The following GAS7 variants were observed in gnomAD, a reference collection of about 807,000 sequenced individuals.
The protein encoded by GAS7 is growth arrest specific 7.
In GAS7, 28 loss-of-function variants were observed where a neutral mutation model predicts 71.1. The ratio of observed to expected loss-of-function variants is 0.39; its 90% CI spans 0.29 to 0.54. The LOEUF is 0.54. GAS7 is among the 20% of genes least tolerant of loss of function. The pLI is 0.62. For synonymous variants in GAS7, 258 were observed against 245.8 expected (o/e 1.05, Z -0.46); for missense variants, 436 against 627.8 (o/e 0.69, Z 3.27).
At chr17:10,040,698 C>G (rs575054031) in intron 1 of GAS7, among the ~76,000 whole-genome samples, 1 of 152,080 alleles carries the variant, frequency 6.6e-6, no homozygotes. Flanking sequence ...TCACATCCAG[C>G]GGTGGGGAGT....
At chr17:10,069,180 A>G (rs950236813) in intron 1 of GAS7, among the ~76,000 whole-genome samples, 1 of 152,176 alleles carries the variant, frequency 6.6e-6, no homozygotes, top group African/African-American at 2.4e-5. Flanking sequence ...CCAAGGAACA[A>G]TGTTGCCAGC....
At chr17:10,169,015 C>T (rs550768233) in intron 1 of GAS7, among the ~76,000 whole-genome samples, 16 of 142,820 alleles carry the variant, frequency 1.1e-4, no homozygotes, top group Admixed American at 8.7e-4. Flanking sequence ...CAGTGGCTCA[C>T]GCCTGTAATC....
chr17:9,942,646 C>A (rs1346515049), intron 7 of GAS7, among the ~76,000 whole-genome samples: 1 of 152,140 alleles, frequency 6.6e-6, no homozygotes, highest in African/African-American at 2.4e-5. Flanking sequence ...TAACATCCCC[C>A]CCACTGGTTA....
At chr17:9,934,069 G>A (rs2068304572) in intron 9 of GAS7, 97 bp downstream of exon 9, 6 of 851,184 alleles carry the variant, frequency 7.0e-6, no homozygotes, top group Non-Finnish European at 1.2e-5. Context: ...TTACACCAGG[G>A]AAAATGGCAA....
In GAS7 at chr17:9,934,202, C is replaced by T. The variant is rs757317057; in HGVS notation, c.849G>A (p.Ala283=). The change falls in exon 9 of 14, where the codon GCG becomes GCA. Residue 283 remains alanine, a synonymous_variant. Transcript: ENST00000432992. ...ACTTGAGGTGAACTTCTGCTTCGTC[C>T]GCCAGGCTCTTCTTCACCTGGGCCC... ...EAWAQVKKSL[A]DEAEVHLKFS... 4.1e-5 allele frequency: 66 copies of T among 1,613,124 alleles called. No homozygotes were observed. The African/African-American group carries it at 6.9e-4, about 17-fold the overall frequency.
intron 1 of GAS7, among the ~76,000 whole-genome samples, chr17:10,131,813 G>A (rs1208169805): frequency 6.6e-6 from 1 of 151,920 alleles, no homozygotes; most frequent in Non-Finnish European, 1.5e-5. Context: ...ATAAATAGAC[G>A]GGCTCGAGAA....
At chr17:10,124,009 G>A (rs1283475441) in intron 1 of GAS7, among the ~76,000 whole-genome samples, 1 of 152,236 alleles carries the variant, frequency 6.6e-6, no homozygotes, top group Non-Finnish European at 1.5e-5. Flanking sequence ...GGCCTCGCAG[G>A]GCTGGCTGAA....
chr17:9,928,554 A>G (rs531978395), intron 9 of GAS7, among the ~76,000 whole-genome samples: 1 of 152,032 alleles, frequency 6.6e-6, no homozygotes, highest in South Asian at 2.1e-4. Flanking sequence ...CCACCCCACC[A>G]CCGCAAATCT....
At chr17:10,120,163 T>C (rs529520404) in intron 1 of GAS7, among the ~76,000 whole-genome samples, 1 of 118,672 alleles carries the variant, frequency 8.4e-6, no homozygotes, top group East Asian at 2.8e-4. Context: ...TCCCACTCCA[T>C]ATCCAGCTGG....
intron 1 of GAS7, among the ~76,000 whole-genome samples, chr17:10,177,647 T>C (rs1184504427): frequency 6.6e-6 from 1 of 152,016 alleles, no homozygotes; most frequent in Non-Finnish European, 1.5e-5. Context: ...CCACAAGCCA[T>C]AGAAAGCCAA....
rs1357627261 is a variant in GAS7, at chr17:10,103,729, G to A, written c.184-83832C>T. ...TAATCCCGGCTACTAGGGAGGCTGAGGCAGGAGAACTGCTTGAACCTGGGA... is the reference window on the plus strand; with the variant it reads ...TAATCCCGGCTACTAGGGAGGCTGAAGCAGGAGAACTGCTTGAACCTGGGA... On this transcript the variant is annotated intron_variant, in intron 1 of 13. Transcript: ENST00000432992. The surrounding 1 kb of genome is among the most constrained non-coding windows in gnomAD (Gnocchi z 5.5). Among the ~76,000 whole-genome samples, 2 of 152,134 alleles carry A rather than the reference G, an allele frequency of 1.3e-5. No homozygotes were observed. Among genetic ancestry groups the A allele is most frequent in the East Asian group, 3.9e-4 (2 of 5,154 alleles).
At chr17:10,158,178 T>A (rs1247046885) in intron 1 of GAS7, among the ~76,000 whole-genome samples, 1 of 151,840 alleles carries the variant, frequency 6.6e-6, no homozygotes, top group East Asian at 2.0e-4. Context: ...ACCTGGCTAA[T>A]TTTTTTGTAT....
chr17:10,075,011 C>A (rs1364431920), intron 1 of GAS7, among the ~76,000 whole-genome samples: 1 of 151,752 alleles, frequency 6.6e-6, no homozygotes, highest in Non-Finnish European at 1.5e-5. Context: ...ACTCGACACT[C>A]ATTTGTGATT....
At chr17:10,146,890 A>G (rs183856592) in intron 1 of GAS7, among the ~76,000 whole-genome samples, 1 of 151,152 alleles carries the variant, frequency 6.6e-6, no homozygotes, top group Non-Finnish European at 1.5e-5. Flanking sequence ...AGGCTGAGGC[A>G]GAATGGCATA....
At chr17:10,038,483 A>C (rs2072800084) in intron 1 of GAS7, among the ~76,000 whole-genome samples, 1 of 152,238 alleles carries the variant, frequency 6.6e-6, no homozygotes, top group South Asian at 2.1e-4. Context: ...ATAGTGTGTT[A>C]ATTCTTCAAA....
At chr17:10,115,028 T>A (rs978175311) in intron 1 of GAS7, among the ~76,000 whole-genome samples, 1 of 152,210 alleles carries the variant, frequency 6.6e-6, no homozygotes, top group East Asian at 1.9e-4. Context: ...TCTGTCTGTC[T>A]GTCTGTCTGG....
Position 10,114,996 on chromosome 17 carries a change from G to A in GAS7, c.183+83212C>T, listed in dbSNP as rs1033519670. On this transcript the variant is annotated intron_variant, in intron 1 of 13. Coordinates refer to ENST00000432992, the MANE Select transcript of GAS7 (RefSeq NM_201433.2). ...GGGCCAGCTGCAGACCAACAGGCTGGGGGTCATGCTCCAAGCTGTCCTCTG... is the reference window on the plus strand; with the variant it reads ...GGGCCAGCTGCAGACCAACAGGCTGAGGGTCATGCTCCAAGCTGTCCTCTG... Among the ~76,000 whole-genome samples the A allele has an allele frequency of 2.6e-5, 4 of 152,182 alleles. No homozygotes were observed. The East Asian group carries it at 7.7e-4, about 29-fold the overall frequency.
chr17:10,091,704 CAG>C (rs2073583823), intron 1 of GAS7, among the ~76,000 whole-genome samples: 2 of 152,042 alleles, frequency 1.3e-5, no homozygotes, highest in East Asian at 1.9e-4. Flanking sequence ...GTTTTTGAGA[CAG>C]AGTCTAGCTG....
chr17:10,127,533 A>G (rs1192624189), intron 1 of GAS7, among the ~76,000 whole-genome samples: 1 of 152,154 alleles, frequency 6.6e-6, no homozygotes, highest in Admixed American at 6.6e-5. Context: ...GCAGCCCTGA[A>G]AGTATTTTAG....
Sources: gnomAD v4.1 joint callset for allele counts (sites outside exome capture counted in the v4.1 genomes callset) on GRCh38, gnomAD v4.1.1 for gene constraint, Gnocchi (gnomAD v3.1) non-coding constraint, MANE v1.5 for transcripts, NCBI Gene and HGNC (gene_info 2026-07-23, HGNC 2026-07-21) for gene names.